The following PDE4B variants were observed in gnomAD, a reference collection of about 807,000 sequenced individuals.
PDE4B encodes the protein 3',5'-cyclic-AMP phosphodiesterase 4B.
PDE4B carries 20 observed loss-of-function variants against 82.2 expected under a neutral mutation model. The ratio of observed to expected loss-of-function variants is 0.24; its 90% CI spans 0.17 to 0.35. The LOEUF (loss-of-function observed/expected upper bound fraction) is 0.35, where lower values mean the gene tolerates loss of function less well. PDE4B is among the 10% of genes least tolerant of loss of function. The pLI is 1.00. For synonymous variants in PDE4B, 320 were observed against 318.9 expected (o/e 1.00, Z -0.04); for missense variants, 655 against 907.2 (o/e 0.72, Z 3.57).
At chr1:66,151,543 A>T (rs1021930878) in intron 3 of PDE4B, among the ~76,000 whole-genome samples, 1 of 152,192 alleles carries the variant, frequency 6.6e-6, no homozygotes, top group Non-Finnish European at 1.5e-5. Context: ...GACTTTGTTC[A>T]TGAAGCTCTT....
At chr1:65,974,828 A>G (rs1247473805) in intron 3 of PDE4B, among the ~76,000 whole-genome samples, 1 of 152,170 alleles carries the variant, frequency 6.6e-6, no homozygotes, top group African/African-American at 2.4e-5. Context: ...CCTCCTAGCC[A>G]TGCTTCCTGT....
At chr1:66,214,740 C>T (rs1446089197) in intron 3 of PDE4B, among the ~76,000 whole-genome samples, 1 of 152,060 alleles carries the variant, frequency 6.6e-6, no homozygotes, top group Non-Finnish European at 1.5e-5. Context: ...GTCTGAATTA[C>T]TCCAAAACCC....
chr1:65,954,378 G>C (rs1649152167), intron 3 of PDE4B, among the ~76,000 whole-genome samples: 1 of 151,958 alleles, frequency 6.6e-6, no homozygotes, highest in East Asian at 1.9e-4. Context: ...GAGAAACTTG[G>C]TTCTACTGAG....
chr1:66,211,018 C>T (rs1650004555), intron 3 of PDE4B, among the ~76,000 whole-genome samples: 1 of 152,174 alleles, frequency 6.6e-6, no homozygotes, highest in African/African-American at 2.4e-5. Context: ...ACCAAAAGCA[C>T]TTGCCTTCTA....
chr1:66,052,271 T>G (rs1419049862), intron 3 of PDE4B, among the ~76,000 whole-genome samples: 1 of 152,202 alleles, frequency 6.6e-6, no homozygotes. Context: ...TATGCATAGC[T>G]TCAGATTACC....
In PDE4B at chr1:66,224,172, T is replaced by G. The variant is rs550670383; in HGVS notation, c.282-23288T>G. On this transcript the variant is annotated intron_variant, in intron 3 of 16. Transcript: ENST00000341517. ...AGCGCATCTCTTTCCACTGCTTAGATTTCTACTCCATTACGACTTCCAGCT... is the reference window on the plus strand; with the variant it reads ...AGCGCATCTCTTTCCACTGCTTAGAGTTCTACTCCATTACGACTTCCAGCT... Among the ~76,000 whole-genome samples the G allele has an allele frequency of 6.6e-5, 10 of 152,280 alleles. No homozygotes were observed. The South Asian group carries it at 2.1e-3, about 32-fold the overall frequency.
intron 3 of PDE4B, among the ~76,000 whole-genome samples, chr1:65,976,688 A>C (rs923431444): frequency 6.6e-6 from 1 of 152,172 alleles, no homozygotes; most frequent in African/African-American, 2.4e-5. Context: ...GTGAGTTCTC[A>C]TAAGATCTGA....
At chr1:66,302,219 C>A (rs1413057050) in intron 7 of PDE4B, among the ~76,000 whole-genome samples, 1 of 152,150 alleles carries the variant, frequency 6.6e-6, no homozygotes, top group African/African-American at 2.4e-5. Flanking sequence ...CACAAACCAG[C>A]CTCTCTGAGC....
chr1:65,850,750 C>T (rs983384142), intron 1 of PDE4B, among the ~76,000 whole-genome samples: 1 of 152,184 alleles, frequency 6.6e-6, no homozygotes, highest in Non-Finnish European at 1.5e-5. Context: ...AGTTTTCCCT[C>T]AGTCTGTATC....
At chr1:66,121,493 G>T (rs561890918) in intron 3 of PDE4B, among the ~76,000 whole-genome samples, 5 of 152,280 alleles carry the variant, frequency 3.3e-5, no homozygotes, top group African/African-American at 1.2e-4. Context: ...AGACAGCACT[G>T]AGTTATTAAG....
intron 3 of PDE4B, among the ~76,000 whole-genome samples, chr1:65,994,897 T>A (rs1569915514): frequency 6.6e-6 from 1 of 152,094 alleles, no homozygotes; most frequent in East Asian, 1.9e-4. Context: ...CTATAAATAC[T>A]GGAGTTTTTT....
intron 1 of PDE4B, among the ~76,000 whole-genome samples, chr1:65,901,431 T>G (rs1057081412): frequency 2.0e-5 from 3 of 152,066 alleles, no homozygotes; most frequent in African/African-American, 7.2e-5. Context: ...CTTTGCCAGA[T>G]TTTGGTATCA....
chr1:65,901,826 T>C (rs536906569), intron 1 of PDE4B, among the ~76,000 whole-genome samples: 29 of 152,200 alleles, frequency 1.9e-4, no homozygotes, highest in Non-Finnish European at 3.5e-4. Flanking sequence ...TGTTTTTTCT[T>C]CTGATGGCTT....
intron 3 of PDE4B, among the ~76,000 whole-genome samples, chr1:66,239,848 A>T (rs1652744632): frequency 6.6e-6 from 1 of 152,258 alleles, no homozygotes; most frequent in Admixed American, 6.5e-5. Flanking sequence ...AAATGTTTAC[A>T]ACCCAAAAAA....
chr1:66,290,715 C>T (rs1657010349), intron 7 of PDE4B, among the ~76,000 whole-genome samples: 1 of 152,166 alleles, frequency 6.6e-6, no homozygotes, highest in Non-Finnish European at 1.5e-5. Context: ...TAATCAAGTA[C>T]ACTATTATCC....
chr1:65,934,292 A>G (rs1647999882), intron 3 of PDE4B, among the ~76,000 whole-genome samples: 1 of 152,174 alleles, frequency 6.6e-6, no homozygotes, highest in South Asian at 2.1e-4. Context: ...GTAAAACAAT[A>G]TATTTTTAAA....
intron 13 of PDE4B, among the ~76,000 whole-genome samples, chr1:66,367,291 G>A (rs1663321480): frequency 6.6e-6 from 1 of 152,170 alleles, no homozygotes; most frequent in Admixed American, 6.5e-5. Flanking sequence ...TGTGAATATA[G>A]CTTGAAAGTC....
At chr1:66,372,283 T>G in intron 16 of PDE4B, 30 bp from the exon 17 acceptor site, 1 of 1,572,956 alleles carries the variant, frequency 6.4e-7, no homozygotes, top group Non-Finnish European at 8.6e-7. Context: ...ACCATCACAA[T>G]AACAGATGTG....
intron 1 of PDE4B, among the ~76,000 whole-genome samples, chr1:65,823,164 G>A (rs942441379): frequency 1.3e-5 from 2 of 151,902 alleles, no homozygotes; most frequent in Admixed American, 6.6e-5. Flanking sequence ...TTGGGAGGCC[G>A]AGGCGGATGG....
Sources: allele counts gnomAD v4.1 joint callset (sites outside exome capture counted in the v4.1 genomes callset), GRCh38; gene constraint gnomAD v4.1.1; transcripts MANE v1.5; gene names NCBI Gene and HGNC (gene_info 2026-07-23, HGNC 2026-07-21).